VTI1A: variants seen among roughly 807,000 people sequenced by gnomAD.
VTI1A encodes vesicle transport through interaction with t-SNAREs homolog 1A.
Under a neutral mutation model 34.9 loss-of-function variants are expected in VTI1A, and 22 were observed. That is an observed-to-expected ratio of 0.63 (90% CI 0.45 to 0.90). The LOEUF is 0.90. Ranked by LOEUF, VTI1A falls within the 40% of genes least tolerant of loss-of-function variation. The probability of loss-of-function intolerance (pLI) is 0.00; values close to 1 mark genes in which losing one functional copy is unlikely to be tolerated. For synonymous variants in VTI1A, 87 were observed against 97.3 expected (o/e 0.89, Z 0.62); for missense variants, 268 against 275.6 (o/e 0.97, Z 0.20).
intron 7 of VTI1A, chr10:112,737,424 A>G (rs945069767): frequency 1.8e-5 from 19 of 1,036,474 alleles, no homozygotes; most frequent in African/African-American, 1.5e-4. Context: ...AAATGACAAA[A>G]ATGAACTGAA....
chr10:112,572,702 GT>G (rs890501808), intron 5 of VTI1A, among the ~76,000 whole-genome samples: 2 of 150,478 alleles, frequency 1.3e-5, no homozygotes, highest in Non-Finnish European at 2.9e-5. Context: ...GCCGGGCGCG[GT>G]GGCGGGCGCC....
chr10:112,517,410 G>C (rs1359516882), intron 3 of VTI1A, among the ~76,000 whole-genome samples: 1 of 152,036 alleles, frequency 6.6e-6, no homozygotes, highest in Non-Finnish European at 1.5e-5. Flanking sequence ...ATTGAGTAAT[G>C]ATTGAATAGA....
intron 5 of VTI1A, among the ~76,000 whole-genome samples, chr10:112,662,052 A>G (rs556386924): frequency 6.6e-6 from 1 of 152,314 alleles, no homozygotes. Flanking sequence ...GATTACAGGC[A>G]TGAGCCACTG....
intron 7 of VTI1A, among the ~76,000 whole-genome samples, chr10:112,741,245 C>A (rs1327048016): frequency 2.0e-5 from 3 of 152,156 alleles, no homozygotes; most frequent in Non-Finnish European, 4.4e-5. Context: ...CACTTGAGGT[C>A]AGGAGTTCAA....
Position 112,527,151 on chromosome 10 carries a change from C to T in VTI1A, c.329C>T (p.Ser110Phe), listed in dbSNP as rs2134222975. The T allele has an allele frequency of 1.2e-6, 2 of 1,613,318 alleles. No individual in the cohort carries two copies. The highest frequency in any genetic ancestry group is 4.5e-5 in the East Asian group (2 of 44,850). ...GAGCTCCTGGGGGATGATGGGAATT[C>T]CTCAGAGAACCAGGTAGAATGCTAA... ...RNELLGDDGN[S>F]SENQRAHLLD... The change falls in exon 4 of 8, where the codon TCC (serine) becomes TTC (phenylalanine). Residue 110 changes from serine to phenylalanine, a missense_variant. Coordinates refer to ENST00000393077, the MANE Select transcript of VTI1A (RefSeq NM_145206.4).
At chr10:112,836,176 A>T in the VTI1A span, among the ~76,000 whole-genome samples, 2 of 152,192 alleles carry the variant, frequency 1.3e-5, no homozygotes, top group Non-Finnish European at 2.9e-5. Context: ...AGCTCAGATT[A>T]GTTTCGTCAA....
downstream of VTI1A, among the ~76,000 whole-genome samples, chr10:112,822,208 C>T (rs1853666477): frequency 6.6e-6 from 1 of 152,100 alleles, no homozygotes; most frequent in South Asian, 2.1e-4. Flanking sequence ...TGGAGGTTGC[C>T]CCGTATCAGC....
At chr10:112,617,946 C>T (rs868813592) in intron 5 of VTI1A, among the ~76,000 whole-genome samples, 15 of 152,096 alleles carry the variant, frequency 9.9e-5, no homozygotes, top group African/African-American at 3.1e-4. Flanking sequence ...CCGAGGTCAG[C>T]GGTTCGAGAC....
At chr10:112,757,246 G>C (rs1483499228) in intron 7 of VTI1A, among the ~76,000 whole-genome samples, 1 of 151,830 alleles carries the variant, frequency 6.6e-6, no homozygotes, top group Non-Finnish European at 1.5e-5. Flanking sequence ...TGAGTGCTGG[G>C]AGGGAAGAGG....
intron 7 of VTI1A, among the ~76,000 whole-genome samples, chr10:112,721,924 G>T (rs1849821575): frequency 6.6e-6 from 1 of 152,138 alleles, no homozygotes; most frequent in South Asian, 2.1e-4. Context: ...TTTCTGCATT[G>T]GGGGAGGTGG....
intron 7 of VTI1A, among the ~76,000 whole-genome samples, chr10:112,783,143 G>A (rs746543453): frequency 2.6e-5 from 4 of 152,140 alleles, no homozygotes; most frequent in Non-Finnish European, 5.9e-5. Context: ...TGAATGAAAG[G>A]TGTGTAATCT....
chr10:112,639,767 G>A (rs1009901407), intron 5 of VTI1A, among the ~76,000 whole-genome samples: 1 of 152,176 alleles, frequency 6.6e-6, no homozygotes, highest in African/African-American at 2.4e-5. Flanking sequence ...CTAATAGTTT[G>A]TTTTTGCTTT....
chr10:112,614,466 A>G (rs536493830), intron 5 of VTI1A, among the ~76,000 whole-genome samples: 3 of 152,326 alleles, frequency 2.0e-5, no homozygotes, highest in African/African-American at 7.2e-5. Context: ...GAGACCGCCC[A>G]TGGCTTCATC....
In VTI1A at chr10:112,602,868, C is replaced by A. The variant is rs186950665; in HGVS notation, c.427+64538C>A. 5.2e-3 allele frequency among the ~76,000 whole-genome samples: 791 copies of A among 152,172 alleles called. 9 individuals are homozygous for A. The highest frequency in any genetic ancestry group is 0.018 in the African/African-American group (749 of 41,500). On this transcript the variant is annotated intron_variant, in intron 5 of 7. Coordinates refer to ENST00000393077, the MANE Select transcript of VTI1A (RefSeq NM_145206.4). ...GCTTTAGAGAAACACCTTTATAGAT[C>A]AATTTTTTAAAAGCATTTGGTCACA...
chr10:112,701,950 A>G (rs1178733307), intron 7 of VTI1A, among the ~76,000 whole-genome samples: 1 of 152,208 alleles, frequency 6.6e-6, no homozygotes, highest in Admixed American at 6.5e-5. Context: ...GGTGTCATTC[A>G]TAAACTTAAT....
At chr10:112,551,009 C>T (rs1165233133) in intron 5 of VTI1A, among the ~76,000 whole-genome samples, 6 of 152,076 alleles carry the variant, frequency 3.9e-5, no homozygotes, top group Non-Finnish European at 7.4e-5. Flanking sequence ...TTTGGGAGGC[C>T]AAGGCGGGCG....
At chr10:112,634,917 A>C (rs1388499487) in intron 5 of VTI1A, among the ~76,000 whole-genome samples, 2 of 152,194 alleles carry the variant, frequency 1.3e-5, no homozygotes, top group African/African-American at 4.8e-5. Flanking sequence ...CATGCATAAT[A>C]AATAAACTCT....
chr10:112,609,530 A>T (rs1456460007), intron 5 of VTI1A, among the ~76,000 whole-genome samples: 1 of 152,220 alleles, frequency 6.6e-6, no homozygotes, highest in Admixed American at 6.5e-5. Context: ...ATAGTAGAAG[A>T]CAATAAATGT....
At chr10:112,549,096 G>A (rs892383683) in intron 5 of VTI1A, among the ~76,000 whole-genome samples, 14 of 151,820 alleles carry the variant, frequency 9.2e-5, no homozygotes, top group East Asian at 3.9e-4. Context: ...CTACCACCCC[G>A]CCTCCCATTT....
Sources: allele counts gnomAD v4.1 joint callset (sites outside exome capture counted in the v4.1 genomes callset), GRCh38; gene constraint gnomAD v4.1.1; transcripts MANE v1.5; gene names NCBI Gene and HGNC (gene_info 2026-07-23, HGNC 2026-07-21).